TMC1: variants seen among roughly 807,000 people sequenced by gnomAD.
The protein encoded by TMC1 is transmembrane channel like 1, also known as transmembrane channel-like protein 1.
In TMC1, 84 loss-of-function variants were observed where a neutral mutation model predicts 105.8. That is an observed-to-expected ratio of 0.79 (90% CI 0.67 to 0.95). The LOEUF is 0.95. Among genes scored for constraint, TMC1 ranks in the 40% least tolerant of loss-of-function variants. The pLI is 0.00. For synonymous variants in TMC1, 315 were observed against 311.5 expected, an observed-to-expected ratio of 1.01 and a Z score of -0.12; for missense variants, 817 against 914.1, an observed-to-expected ratio of 0.89 and a Z score of 1.37.
intron 10 of TMC1, among the ~76,000 whole-genome samples, chr9:72,750,474 T>C (rs575895622): frequency 1.3e-5 from 2 of 152,338 alleles, no homozygotes; most frequent in Non-Finnish European, 2.9e-5. Flanking sequence ...CTTTTGTAAA[T>C]CTATGAAATC....
At chr9:72,661,834 C>T (rs541973617) in intron 5 of TMC1, among the ~76,000 whole-genome samples, 1 of 152,296 alleles carries the variant, frequency 6.6e-6, no homozygotes, top group East Asian at 1.9e-4. Context: ...TTGTTGTGGT[C>T]AGTTGGGTAG....
At chr9:72,691,359 T>A (rs1826464363) in intron 6 of TMC1, among the ~76,000 whole-genome samples, 1 of 152,162 alleles carries the variant, frequency 6.6e-6, no homozygotes, top group Non-Finnish European at 1.5e-5. Flanking sequence ...GGGTATGTTT[T>A]CCTGTTTCTT....
chr9:72,539,863 G>T (rs1019966277), intron 1 of TMC1, among the ~76,000 whole-genome samples: 3 of 152,162 alleles, frequency 2.0e-5, no homozygotes, highest in African/African-American at 4.8e-5. Context: ...AAAGAAAGGG[G>T]TTTATTTGGC....
At chr9:72,783,165 T>C (rs1828119650) in intron 13 of TMC1, among the ~76,000 whole-genome samples, 1 of 151,996 alleles carries the variant, frequency 6.6e-6, no homozygotes, top group Non-Finnish European at 1.5e-5. Flanking sequence ...TATATATATA[T>C]ATATGGGAGC....
intron 5 of TMC1, among the ~76,000 whole-genome samples, chr9:72,672,262 CT>C (rs1175828404): frequency 4.4e-4 from 67 of 151,596 alleles, no homozygotes; most frequent in Non-Finnish European, 8.0e-4. Context: ...TTACTTAGTA[CT>C]TTTTTTATTG....
chr9:72,766,053 A>G (rs1440247285), intron 12 of TMC1, among the ~76,000 whole-genome samples: 3 of 152,196 alleles, frequency 2.0e-5, no homozygotes, highest in Non-Finnish European at 4.4e-5. Context: ...GTTGCCATGT[A>G]TAAAACAGCA....
chr9:72,529,495 A>T (rs1022802992), intron 1 of TMC1, among the ~76,000 whole-genome samples: 1 of 152,126 alleles, frequency 6.6e-6, no homozygotes, highest in African/African-American at 2.4e-5. Context: ...GCATAAAATG[A>T]TGTCTATGTG....
At position 72,753,286 on chromosome 9, in the gene TMC1, C is replaced by CTTTTTT. The variant is rs5898269; in HGVS notation, c.642+1347_642+1352dup. On this transcript the variant is annotated intron_variant, in intron 11 of 23. Transcript: ENST00000297784. ...TTTATCTATTTCAAATTAACCCCAG[C>CTTTTTT]TTTTTTTTTTTTTTTTTTTTTTGCT... Among the ~76,000 whole-genome samples, 146 of 81,806 alleles carry CTTTTTT rather than the reference C, an allele frequency of 1.8e-3. 3 individuals carry two copies. The highest frequency in any genetic ancestry group is 4.2e-3 in the African/African-American group (79 of 19,024). 53.7% of individuals were successfully genotyped at this position (81,806 alleles called of 152,430 possible). A position where few individuals can be genotyped will look rare whatever the true frequency, so the allele number is the denominator to read the frequency against.
rs59553107 is a variant in TMC1, at chr9:72,636,707, C to CAAAAAA, written c.-53+8656_-53+8661dup. 8.4e-5 allele frequency among the ~76,000 whole-genome samples: 7 copies of CAAAAAA among 83,232 alleles called. 1 individual carries two copies. The highest frequency in any genetic ancestry group is 1.5e-4 in the Admixed American group (1 of 6,772). The allele number at this position is 83,232 out of a possible 152,430, so 54.6% of individuals were successfully genotyped here. ...TGGGTGACAGAGCAAGACTCCATCT[C>CAAAAAA]AAAAAAAAAAAAAAAAAGGATTCAG... On this transcript the variant is annotated intron_variant, in intron 4 of 23. Transcript: ENST00000297784.
At chr9:72,609,183 T>C (rs148473654) in intron 2 of TMC1, among the ~76,000 whole-genome samples, 519 of 46,276 alleles carry the variant, frequency 0.011, 3 homozygotes, top group African/African-American at 0.027. Context: ...CTCCTTCCCT[T>C]CCTTCCTTCC....
intron 1 of TMC1, among the ~76,000 whole-genome samples, chr9:72,563,899 C>CAAA (rs71357586): frequency 0.047 from 2,437 of 51,552 alleles, 156 homozygotes; most frequent in African/African-American, 0.09. Context: ...AACTCTGGCT[C>CAAA]AAAAAAAAAA....
chr9:72,745,476 G>A (rs1019929663), intron 10 of TMC1, among the ~76,000 whole-genome samples: 1 of 151,976 alleles, frequency 6.6e-6, no homozygotes, highest in Non-Finnish European at 1.5e-5. Context: ...TTTCTTGATC[G>A]TTATCAAGGA....
At chr9:72,591,727 T>G (rs1014554263) in intron 2 of TMC1, among the ~76,000 whole-genome samples, 7 of 116,724 alleles carry the variant, frequency 6.0e-5, no homozygotes, top group Non-Finnish European at 1.2e-4. Context: ...TGGACCACCA[T>G]GGCTATTTGT....
chr9:72,709,060 G>T (rs56183934), intron 8 of TMC1, among the ~76,000 whole-genome samples: 1 of 151,906 alleles, frequency 6.6e-6, no homozygotes, highest in Non-Finnish European at 1.5e-5. Context: ...AAAGAAAGAA[G>T]AGAAAACCAC....
intron 19 of TMC1, 122 bp downstream of exon 19, chr9:72,816,332 T>C: frequency 1.1e-6 from 1 of 924,272 alleles, no homozygotes; most frequent in South Asian, 1.3e-5. Context: ...TATTTACTTT[T>C]GCAAAGTGGA....
intron 4 of TMC1, among the ~76,000 whole-genome samples, chr9:72,632,654 A>G (rs919802566): frequency 6.6e-6 from 1 of 152,220 alleles, no homozygotes; most frequent in Non-Finnish European, 1.5e-5. Flanking sequence ...ATGACCCTGC[A>G]TTGAAAATGA....
At chr9:72,763,451 A>G (rs551832373) in intron 12 of TMC1, among the ~76,000 whole-genome samples, 1 of 152,324 alleles carries the variant, frequency 6.6e-6, no homozygotes, top group African/African-American at 2.4e-5. Context: ...AAAGCTATAT[A>G]GTGTTAAGAG....
intron 2 of TMC1, among the ~76,000 whole-genome samples, chr9:72,599,431 A>T (rs1039771928): frequency 5.9e-5 from 9 of 152,204 alleles, no homozygotes; most frequent in African/African-American, 2.2e-4. Flanking sequence ...AAAATCTCCC[A>T]AAAGACCTGG....
In TMC1 at chr9:72,826,953, T is replaced by G; in HGVS notation, c.2088T>G (p.Leu696=). The change falls in exon 21 of 24, where the codon CTT becomes CTG. Residue 696 remains leucine, a synonymous_variant. Coordinates refer to ENST00000297784, the MANE Select transcript of TMC1 (RefSeq NM_138691.3). ...PSWMAKILRQ[L]SNPGLVIAVI... is the part of the protein sequence containing the mutation. ...GGATGGCGAAGATCTTGAGACAGCT[T>G]TCAAACCCTGGGCTGGTCATTGCTG... 21 of 1,614,096 alleles carry G rather than the reference T, an allele frequency of 1.3e-5. No individual in the cohort carries two copies. The highest frequency in any genetic ancestry group is 1.8e-5 in the Non-Finnish European group (21 of 1,179,952).
Sources: gnomAD v4.1 joint callset for allele counts (sites outside exome capture counted in the v4.1 genomes callset) on GRCh38, gnomAD v4.1.1 for gene constraint, MANE v1.5 for transcripts, NCBI Gene and HGNC (gene_info 2026-07-23, HGNC 2026-07-21) for gene names.